LNX1: variants seen among roughly 807,000 people sequenced by gnomAD.
LNX1 encodes ligand of numb-protein X 1, also known as E3 ubiquitin-protein ligase LNX.
In LNX1, 54 loss-of-function variants were observed where a neutral mutation model predicts 68.4. That is an observed-to-expected ratio of 0.79 (90% CI 0.63 to 0.99). The LOEUF (loss-of-function observed/expected upper bound fraction) is 0.99. Ranked by LOEUF, LNX1 falls within the 50% of genes least tolerant of loss-of-function variation. The pLI is 0.00. For synonymous variants in LNX1, 336 were observed against 350.0 expected, an observed-to-expected ratio of 0.96 and a Z score of 0.45; for missense variants, 906 against 926.4, an observed-to-expected ratio of 0.98 and a Z score of 0.29.
rs1721510402 is a variant in LNX1 at position 53,459,916 on chromosome 4, A to ACTC, written c.*988_*990dup. The ACTC allele has an allele frequency of 4.5e-6, 1 of 220,220 alleles. No homozygotes were observed. The allele number at this position is 220,220 out of a possible 1,614,324, so 13.6% of individuals were successfully genotyped here. A position where few individuals can be genotyped will look rare whatever the true frequency, so the allele number is the denominator to read the frequency against. ...ACACTCTTGCTTAGTATATTAAGAG[A>ACTC]CTCATACATTTTTGATATCACAACT... On this transcript the variant is annotated 3_prime_UTR_variant, in exon 11 of 11. Coordinates refer to ENST00000263925, the MANE Select transcript of LNX1 (RefSeq NM_001126328.3).
chr4:53,498,463 G>C (rs1725237665), intron 5 of LNX1, among the ~76,000 whole-genome samples, 178 bp downstream of exon 5: 1 of 152,026 alleles, frequency 6.6e-6, no homozygotes, highest in South Asian at 2.1e-4. Flanking sequence ...GCAAGACAGA[G>C]AGAAACAAAG....
intron 1 of LNX1, among the ~76,000 whole-genome samples, chr4:53,581,216 T>C (rs888734219): frequency 6.6e-6 from 1 of 152,182 alleles, no homozygotes; most frequent in African/African-American, 2.4e-5. Context: ...AAAATGTATG[T>C]CCTGATATGT....
intron 2 of LNX1, among the ~76,000 whole-genome samples, chr4:53,527,767 G>C (rs148065023): frequency 1.2e-3 from 188 of 152,208 alleles, no homozygotes; most frequent in African/African-American, 4.4e-3. Context: ...GGGGAAAAGG[G>C]GCTACCAGGG....
chr4:53,617,186 CCTA>C (rs1733710568), intron 1 of LNX1: 1 of 51,310 alleles, frequency 1.9e-5, no homozygotes, highest in Admixed American at 2.2e-4. Context: ...AAAAATAAGA[CCTA>C]GTACCTAGTC....
intron 1 of LNX1, 131 bp from the exon 2 acceptor site, chr4:53,574,219 C>T: frequency 1.4e-6 from 1 of 705,908 alleles, no homozygotes; most frequent in Non-Finnish European, 2.2e-6. Context: ...GTTGAGGGTC[C>T]ACTCTGGAGT....
chr4:53,600,183 G>GT (rs1016760244), intron 2 of LNX1, among the ~76,000 whole-genome samples: 1 of 152,136 alleles, frequency 6.6e-6, no homozygotes, highest in Non-Finnish European at 1.5e-5. Flanking sequence ...CGCACTTGCT[G>GT]TTTTTTATGC....
In LNX1 at chr4:53,459,782, GTTTT is replaced by G. The variant is rs1207038701; in HGVS notation, c.*1121_*1124del. The G allele has an allele frequency of 1.3e-5, 4 of 319,174 alleles. No individual in the cohort carries two copies. Among genetic ancestry groups the G allele is most frequent in the Non-Finnish European group, 2.3e-5 (4 of 171,178 alleles). 19.8% of individuals were successfully genotyped at this position (319,174 alleles called of 1,614,324 possible). A position where few individuals can be genotyped will look rare whatever the true frequency, so the allele number is the denominator to read the frequency against. ...GGTCAAGGGTTCCACTTGGGCCACA[GTTTT>G]TTTGTTAATCAAACACCACTCTCTT... is the stretch of plus-strand genomic sequence containing the variant. On this transcript the variant is annotated 3_prime_UTR_variant, in exon 11 of 11. Coordinates refer to ENST00000263925, the MANE Select transcript of LNX1 (RefSeq NM_001126328.3).
At chr4:53,515,823 T>G (rs1726735249) in intron 2 of LNX1, among the ~76,000 whole-genome samples, 1 of 152,208 alleles carries the variant, frequency 6.6e-6, no homozygotes, top group Admixed American at 6.5e-5. Context: ...GAATCCCAGA[T>G]CTGCCTTATG....
chr4:53,567,715 A>T (rs1217337105), intron 2 of LNX1, among the ~76,000 whole-genome samples: 1 of 152,196 alleles, frequency 6.6e-6, no homozygotes, highest in African/African-American at 2.4e-5. Context: ...GAGCTGGTTT[A>T]TTGAAAGGAT....
At chr4:53,481,474 T>A (rs1338071189) in intron 7 of LNX1, among the ~76,000 whole-genome samples, 1 of 152,196 alleles carries the variant, frequency 6.6e-6, no homozygotes, top group Non-Finnish European at 1.5e-5. Context: ...AGAAATCAGG[T>A]CCCTGTATGA....
chr4:53,502,874 T>C (rs1026726281), intron 4 of LNX1, among the ~76,000 whole-genome samples: 1 of 152,038 alleles, frequency 6.6e-6, no homozygotes, highest in African/African-American at 2.4e-5. Context: ...TGCTCATCCG[T>C]AAGAAATGCC....
chr4:53,623,585 A>G (rs1254794882), intron 1 of LNX1, among the ~76,000 whole-genome samples: 5 of 152,056 alleles, frequency 3.3e-5, no homozygotes, highest in Non-Finnish European at 7.4e-5. Flanking sequence ...TTTTGTTAAG[A>G]GTATTGTGAT....
chr4:53,510,499 T>G (rs1726251218), intron 2 of LNX1, among the ~76,000 whole-genome samples: 1 of 152,218 alleles, frequency 6.6e-6, no homozygotes, highest in African/African-American at 2.4e-5. Context: ...GAGTTCAAAT[T>G]CCTGGCTTGA....
At chr4:53,587,136 G>A (rs1250393586) in intron 1 of LNX1, among the ~76,000 whole-genome samples, 1 of 152,198 alleles carries the variant, frequency 6.6e-6, no homozygotes, top group Non-Finnish European at 1.5e-5. Flanking sequence ...TTCATAGAAA[G>A]TTCTTCCTCT....
chr4:53,618,525 A>G (rs1733758482), upstream of LNX1, among the ~76,000 whole-genome samples: 1 of 152,218 alleles, frequency 6.6e-6, no homozygotes, highest in African/African-American at 2.4e-5. Context: ...TTGCTAATAG[A>G]ACAGAGCTAA....
intron 2 of LNX1, among the ~76,000 whole-genome samples, chr4:53,567,726 C>T (rs1730801254): frequency 6.6e-6 from 1 of 151,824 alleles, no homozygotes; most frequent in South Asian, 2.1e-4. Context: ...TTGAAAGGAT[C>T]AACAAAATTG....
intron 2 of LNX1, among the ~76,000 whole-genome samples, chr4:53,518,409 T>G (rs997361913): frequency 1.3e-5 from 2 of 152,184 alleles, no homozygotes; most frequent in Admixed American, 1.3e-4. Flanking sequence ...TCTCCTTTAA[T>G]GCCGATGTTT....
intron 2 of LNX1, among the ~76,000 whole-genome samples, chr4:53,609,429 G>C (rs1213300356): frequency 6.6e-6 from 1 of 150,982 alleles, no homozygotes; most frequent in Non-Finnish European, 1.5e-5. Context: ...CAAAAAACTA[G>C]TATTAGCTAA....
intron 2 of LNX1, among the ~76,000 whole-genome samples, chr4:53,552,324 G>C (rs1729569670): frequency 6.6e-6 from 1 of 152,176 alleles, no homozygotes; most frequent in Non-Finnish European, 1.5e-5. Flanking sequence ...CCACAGGCAA[G>C]AGCAGGTCAC....
Sources: allele counts gnomAD v4.1 joint callset (sites outside exome capture counted in the v4.1 genomes callset), GRCh38; gene constraint gnomAD v4.1.1; transcripts MANE v1.5; gene names NCBI Gene and HGNC (gene_info 2026-07-23, HGNC 2026-07-21).